ATP8B1: variants seen among roughly 807,000 people sequenced by gnomAD.
The protein encoded by ATP8B1 is phospholipid-transporting ATPase IC.
Under a neutral mutation model 149.9 loss-of-function variants are expected in ATP8B1, and 80 were observed. The observed-to-expected ratio is 0.53, with a 90% CI of 0.45 to 0.64. ATP8B1 has a LOEUF of 0.64. Ranked by LOEUF, ATP8B1 falls within the 30% of genes least tolerant of loss-of-function variation. ATP8B1 has a pLI of 0.00. For synonymous variants in ATP8B1, 536 were observed against 562.8 expected (o/e 0.95, Z 0.67); for missense variants, 1,247 against 1,552.6 (o/e 0.80, Z 3.31).
chr18:57,680,412 C>A (rs1218161), intron 15 of ATP8B1, among the ~76,000 whole-genome samples: 1 of 149,646 alleles, frequency 6.7e-6, no homozygotes. Context: ...ATGGAGAAAC[C>A]CCATCTCTAT....
rs1199054989 is a variant in ATP8B1, at chr18:57,695,526, G to A, written c.705C>T (p.Thr235=). ...CAAGTGACATCTTAAATTTTAAATTGGTTTCTCTAAAGGAATGGGGAAAAA... is the reference window on the plus strand; with the variant it reads ...CAAGTGACATCTTAAATTTTAAATTAGTTTCTCTAAAGGAATGGGGAAAAA... ...YVETAELDGE[T]NLKFKMSLEI... Residue 235 remains threonine (T), a synonymous_variant, in exon 9 of 28, where the codon ACC becomes ACT. Coordinates refer to ENST00000648908, the MANE Select transcript of ATP8B1 (RefSeq NM_001374385.1). 4 of 1,609,508 alleles carry A rather than the reference G, an allele frequency of 2.5e-6. No individual in the cohort carries two copies. Among genetic ancestry groups the A allele is most frequent in the Non-Finnish European group, 2.6e-6 (3 of 1,176,258 alleles).
intron 19 of ATP8B1, 134 bp from the exon 20 acceptor site, chr18:57,667,301 T>C: frequency 1.4e-6 from 1 of 706,640 alleles, no homozygotes; most frequent in Non-Finnish European, 2.4e-6. Flanking sequence ...CACTACAGCC[T>C]CAACCTCCAG....
At chr18:57,732,851 G>A (rs1222816429) in intron 1 of ATP8B1, among the ~76,000 whole-genome samples, 2 of 92,746 alleles carry the variant, frequency 2.2e-5, no homozygotes, top group Non-Finnish European at 4.8e-5. Flanking sequence ...GCCCGCGCCC[G>A]GCCGGAGTTG....
rs757716772 is a variant in ATP8B1, at chr18:57,661,377, C to T, written c.2504G>A (p.Arg835Gln). The T allele has an allele frequency of 2.6e-5, 42 of 1,613,854 alleles. 1 individual carries two copies. Among genetic ancestry groups the T allele is most frequent in the Admixed American group, 3.3e-5 (2 of 59,956 alleles). Reference protein sequence around the residue: ...FPRTEEERRMRTQSKRRLEAK... With the variant: ...FPRTEEERRMQTQSKRRLEAK... ...TTCTAGCCTCCTTTTACTTTGGGTC[C>T]GCATCCGTCTTTCTTCTTCTGTTCT... is the stretch of plus-strand genomic sequence containing the variant. Residue 835 changes from arginine to glutamine, a missense_variant, in exon 22 of 28, where the codon CGG becomes CAG. Arg to Gln is a conservative substitution (Grantham distance 43). Around this residue, in one of 3 missense-constraint regions of ATP8B1, gnomAD observed 853 missense variants for 1,035.7 expected, o/e 0.82. Transcript: ENST00000648908.
At chr18:57,747,272 G>A (rs1343535812) in intron 1 of ATP8B1, among the ~76,000 whole-genome samples, 1 of 152,082 alleles carries the variant, frequency 6.6e-6, no homozygotes, top group East Asian at 1.9e-4. Flanking sequence ...GGCCAACATG[G>A]TGAAACCCCA....
At chr18:57,770,290 C>T (rs999129807) in intron 1 of ATP8B1, among the ~76,000 whole-genome samples, 15 of 152,308 alleles carry the variant, frequency 9.8e-5, no homozygotes, top group African/African-American at 2.4e-4. Context: ...AGCAAGCTTC[C>T]CTAGGTGCCC....
intron 1 of ATP8B1, among the ~76,000 whole-genome samples, chr18:57,746,467 C>CT (rs71171082): frequency 0.057 from 5,385 of 94,094 alleles, 223 homozygotes; most frequent in Non-Finnish European, 0.068. Context: ...CTGATGCTTA[C>CT]TTTTTTTTTT....
At chr18:57,700,925 T>C in intron 6 of ATP8B1, 114 bp downstream of exon 6, 4 of 1,182,488 alleles carry the variant, frequency 3.4e-6, no homozygotes, top group Non-Finnish European at 5.0e-6. Context: ...TCGAAAAAAA[T>C]AAACAGTTAA....
chr18:57,704,661 G>A lies in ATP8B1; in HGVS notation c.287C>T (p.Ala96Val). 6.3e-7 allele frequency: 1 copy of A among 1,584,442 alleles called. No homozygotes were observed. The highest frequency in any genetic ancestry group is 1.7e-5 in the Admixed American group (1 of 59,952). ...CIKESKYANN[A>V]IKTYKYNAFT... ...TGCGTTGTACTTGTATGTTTTAATTGCATTATTCTGTTGGAAAAAATAAGA... is the reference window on the plus strand; with the variant it reads ...TGCGTTGTACTTGTATGTTTTAATTACATTATTCTGTTGGAAAAAATAAGA... Residue 96 changes from alanine (A) to valine (V), a missense_variant, in exon 4 of 28, where the codon GCA becomes GTA. By Grantham distance (64) the Ala-to-Val change is moderately conservative. Around this residue, in one of 3 missense-constraint regions of ATP8B1, gnomAD observed 853 missense variants for 1,035.7 expected, o/e 0.82. Transcript: ENST00000648908.
At chr18:57,755,745 G>C (rs576447273) in intron 1 of ATP8B1, among the ~76,000 whole-genome samples, 1 of 152,210 alleles carries the variant, frequency 6.6e-6, no homozygotes, top group East Asian at 1.9e-4. Flanking sequence ...TATTCTAATT[G>C]TTTCCAGGCC....
rs899012606 is a variant in ATP8B1 at position 57,698,286 on chromosome 18, G to A, written c.555-419C>T. On this transcript the variant is annotated intron_variant, in intron 6 of 27. Coordinates refer to ENST00000648908, the MANE Select transcript of ATP8B1 (RefSeq NM_001374385.1). Reference sequence around the variant, plus strand: ...CCCACCTGGGCCTCCCAGAGTCTTCGTGGGGCTTCAGAGCTTGCCTACTCT... The same window carrying A: ...CCCACCTGGGCCTCCCAGAGTCTTCATGGGGCTTCAGAGCTTGCCTACTCT... Among the ~76,000 whole-genome samples, 12 of 152,028 alleles carry A rather than the reference G, an allele frequency of 7.9e-5. No homozygotes were observed. The South Asian group carries it at 1.2e-3, about 16-fold the overall frequency.
intron 19 of ATP8B1, 24 bp downstream of exon 19, chr18:57,668,405 A>G (rs1050964199): frequency 6.5e-7 from 1 of 1,547,556 alleles, no homozygotes; most frequent in Non-Finnish European, 8.9e-7. Context: ...ATTAACAGAT[A>G]TGCTTCCCTG....
At chr18:57,650,760 C>T (rs1391844681) in intron 26 of ATP8B1, among the ~76,000 whole-genome samples, 1 of 152,066 alleles carries the variant, frequency 6.6e-6, no homozygotes, top group Non-Finnish European at 1.5e-5. Context: ...TTGCTTGAAC[C>T]CGGAAGGCGG....
At chr18:57,763,347 G>A (rs916463850) in intron 1 of ATP8B1, among the ~76,000 whole-genome samples, 41 of 151,816 alleles carry the variant, frequency 2.7e-4, no homozygotes, top group African/African-American at 9.7e-4. Context: ...AGCCGAGATC[G>A]TGCCACAGCA....
intron 1 of ATP8B1, among the ~76,000 whole-genome samples, chr18:57,750,810 A>G (rs1168360344): frequency 6.6e-6 from 1 of 152,210 alleles, no homozygotes. Flanking sequence ...CATGTGTCAC[A>G]TGAGTATTTA....
intron 8 of ATP8B1, among the ~76,000 whole-genome samples, chr18:57,696,792 A>G (rs1912839279): frequency 6.6e-6 from 1 of 152,204 alleles, no homozygotes; most frequent in Non-Finnish European, 1.5e-5. Context: ...GACGAATAAT[A>G]TTCGTCTCAC....
intron 24 of ATP8B1, among the ~76,000 whole-genome samples, chr18:57,653,682 CTTTT>C (rs71171057): frequency 9.3e-5 from 11 of 117,818 alleles, no homozygotes; most frequent in Admixed American, 2.8e-4. Flanking sequence ...CCTCTTTTCT[CTTTT>C]TTTTTTTTTT....
At chr18:57,754,309 A>G (rs2080056340) in intron 1 of ATP8B1, among the ~76,000 whole-genome samples, 1 of 151,856 alleles carries the variant, frequency 6.6e-6, no homozygotes, top group Non-Finnish European at 1.5e-5. Context: ...ATGGTGGCAC[A>G]TGCCTGTAAT....
At position 57,658,627 on chromosome 18, in the gene ATP8B1, TTGTGTGTG is replaced by T. The variant is rs71171058; in HGVS notation, c.2707+2539_2707+2546del. 5.9e-3 allele frequency among the ~76,000 whole-genome samples: 852 copies of T among 145,078 alleles called. 9 individuals are homozygous for T. Among genetic ancestry groups the T allele is most frequent in the African/African-American group, 0.016 (630 of 38,966 alleles). On this transcript the variant is annotated intron_variant, in intron 22 of 27. Transcript: ENST00000648908. Reference sequence around the variant, plus strand: ...GACTACTTTATGACCAACAATTTCTTTGTGTGTGTGTGTGTGTGTGTGTGTGTGTGTGT... The same window carrying T: ...GACTACTTTATGACCAACAATTTCTTTGTGTGTGTGTGTGTGTGTGTGTGT...
Sources: allele counts gnomAD v4.1 joint callset (sites outside exome capture counted in the v4.1 genomes callset), GRCh38; gene constraint gnomAD v4.1.1; regional missense constraint gnomAD v4.1.1; transcripts MANE v1.5; gene names NCBI Gene and HGNC (gene_info 2026-07-23, HGNC 2026-07-21).